Variants in HP1BP3 observed in about 807,000 individuals in gnomAD.
HP1BP3 encodes the protein heterochromatin protein 1 binding protein 3.
A neutral mutation model predicts 62.5 loss-of-function variants in HP1BP3; 12 were observed. That is an observed-to-expected ratio of 0.19 (90% CI 0.12 to 0.31). HP1BP3 has a LOEUF of 0.31. HP1BP3 is among the 10% of genes least tolerant of loss of function. HP1BP3 has a pLI of 1.00. For missense variants in HP1BP3, 502 were observed against 651.8 expected (o/e 0.77, Z 2.50); for synonymous variants, 260 against 237.8 (o/e 1.09, Z -0.86).
chr1:20,774,131 G>A (rs1325724149), intron 4 of HP1BP3: 1 of 152,258 alleles, frequency 6.6e-6, no homozygotes, highest in East Asian at 1.9e-4. Flanking sequence ...AATTTTGTGA[G>A]ATTTAAAGCA....
chr1:20,740,393 T>C lies in HP1BP3; in HGVS notation c.*4404A>G, dbSNP rs1279861282. ...CAGCCTTTTGAGGCCTCCTTTGACA[T>C]ACCAGTGGTTGACAAGACAGAATTA... is the stretch of plus-strand genomic sequence containing the variant. On this transcript the variant is annotated 3_prime_UTR_variant, in exon 13 of 13. Coordinates refer to ENST00000438032, the MANE Select transcript of HP1BP3 (RefSeq NM_001372052.1). Among the ~76,000 whole-genome samples, 1 of 152,214 alleles carries C rather than the reference T, an allele frequency of 6.6e-6. No individual in the cohort carries two copies. The highest frequency in any genetic ancestry group is 1.5e-5 in the Non-Finnish European group (1 of 68,038).
chr1:20,755,392 C>A (rs1362531224), intron 9 of HP1BP3: 1 of 452,946 alleles, frequency 2.2e-6, no homozygotes, highest in Non-Finnish European at 4.4e-6. Context: ...GGCAACACGG[C>A]GAAACCCCAT....
chr1:20,749,377 A>G (rs1363393920), intron 10 of HP1BP3, among the ~76,000 whole-genome samples: 6 of 122,696 alleles, frequency 4.9e-5, no homozygotes, highest in Non-Finnish European at 1.0e-4. Context: ...TTTTTTTTTG[A>G]TACATAGTCT....
chr1:20,748,803 T>G (rs2055516350), intron 10 of HP1BP3, among the ~76,000 whole-genome samples: 1 of 151,878 alleles, frequency 6.6e-6, no homozygotes, highest in South Asian at 2.1e-4. Flanking sequence ...TTAATTACAA[T>G]AATATATTCT....
At chr1:20,757,728 CAA>C (rs1038299392) in intron 8 of HP1BP3, among the ~76,000 whole-genome samples, 1 of 151,984 alleles carries the variant, frequency 6.6e-6, no homozygotes, top group Non-Finnish European at 1.5e-5. Context: ...AGAAAATTTC[CAA>C]AGACACCTTC....
At chr1:20,760,504 A>G (rs2056403667) in intron 8 of HP1BP3, among the ~76,000 whole-genome samples, 1 of 151,710 alleles carries the variant, frequency 6.6e-6, no homozygotes, top group Non-Finnish European at 1.5e-5. Flanking sequence ...TCTTGCCACT[A>G]TACTCCAGTC....
At chr1:20,748,220 A>T (rs2055464113) in intron 10 of HP1BP3, among the ~76,000 whole-genome samples, 1 of 152,268 alleles carries the variant, frequency 6.6e-6, no homozygotes, top group South Asian at 2.1e-4. Context: ...ACCTATAGGT[A>T]TTGATAATCA....
chr1:20,758,340 G>C (rs1223739654), intron 8 of HP1BP3, among the ~76,000 whole-genome samples: 1 of 149,724 alleles, frequency 6.7e-6, no homozygotes, highest in Non-Finnish European at 1.5e-5. Context: ...AAACCCTATG[G>C]GTTAAACACT....
At chr1:20,782,470 C>G (rs952584247) in intron 1 of HP1BP3, among the ~76,000 whole-genome samples, 19 of 151,570 alleles carry the variant, frequency 1.3e-4, no homozygotes, top group African/African-American at 4.6e-4. Context: ...GTAGTCCCAG[C>G]TACTTGGGAA....
intron 9 of HP1BP3, among the ~76,000 whole-genome samples, chr1:20,756,428 G>A (rs1025052560): frequency 7.2e-5 from 11 of 151,978 alleles, no homozygotes; most frequent in Middle Eastern, 3.4e-3. Flanking sequence ...TGGGGAAGAC[G>A]GATTATAGGC....
At chr1:20,768,287 A>T (rs1394318577) in intron 6 of HP1BP3, among the ~76,000 whole-genome samples, 1 of 152,114 alleles carries the variant, frequency 6.6e-6, no homozygotes, top group Non-Finnish European at 1.5e-5. Context: ...TCTACTAAAA[A>T]TACAAAAAAT....
chr1:20,766,950 A>AAAACAAACAAACAAAC (rs111382368), intron 7 of HP1BP3, among the ~76,000 whole-genome samples: 37 of 152,034 alleles, frequency 2.4e-4, no homozygotes, highest in African/African-American at 8.5e-4. Flanking sequence ...CTTAGAAAAG[A>AAAACAAACAAACAAAC]AAACAAACAA....
intron 1 of HP1BP3, among the ~76,000 whole-genome samples, chr1:20,785,221 T>C (rs969068717): frequency 6.6e-6 from 1 of 152,234 alleles, no homozygotes; most frequent in African/African-American, 2.4e-5. Context: ...TTTAAATTAT[T>C]TGAATGCAAG....
At chr1:20,750,325 ACACACAC>A (rs2055640017) in intron 9 of HP1BP3, 1 of 2,008 alleles carries the variant, frequency 5.0e-4, no homozygotes, top group East Asian at 0.017. Context: ...TACTAAAAAC[ACACACAC>A]ACACACACAC....
At chr1:20,767,704 T>C in intron 6 of HP1BP3, 40 bp from the exon 7 acceptor site, 1 of 1,308,406 alleles carries the variant, frequency 7.6e-7, no homozygotes, top group South Asian at 1.3e-5. Flanking sequence ...TATTCATAAC[T>C]TTACAGTAGG....
chr1:20,756,578 G>C (rs1338675415), intron 9 of HP1BP3, among the ~76,000 whole-genome samples: 2 of 152,102 alleles, frequency 1.3e-5, no homozygotes, highest in African/African-American at 4.8e-5. Flanking sequence ...TCAAAAAAAA[G>C]GCCGGGAGGT....
intron 9 of HP1BP3, among the ~76,000 whole-genome samples, chr1:20,753,591 C>T (rs1397302339): frequency 2.0e-5 from 3 of 152,268 alleles, no homozygotes; most frequent in African/African-American, 7.2e-5. Flanking sequence ...ACCAATGTAT[C>T]GTGCTACAAA....
At chr1:20,778,137 T>C (rs1431429511) in intron 3 of HP1BP3, among the ~76,000 whole-genome samples, 1 of 122,554 alleles carries the variant, frequency 8.2e-6, no homozygotes, top group African/African-American at 3.1e-5. Flanking sequence ...ATTCAGGGGT[T>C]TTACGGTAGT....
At chr1:20,752,338 A>T (rs2055819217) in intron 9 of HP1BP3, among the ~76,000 whole-genome samples, 1 of 151,190 alleles carries the variant, frequency 6.6e-6, no homozygotes, top group Admixed American at 6.6e-5. Flanking sequence ...TGTGTTGCCC[A>T]GGCTGGAGTG....
Sources: gnomAD v4.1 joint callset for allele counts (sites outside exome capture counted in the v4.1 genomes callset) on GRCh38, gnomAD v4.1.1 for gene constraint, MANE v1.5 for transcripts, NCBI Gene and HGNC (gene_info 2026-07-23, HGNC 2026-07-21) for gene names.